The following LIMS1 variants were observed in gnomAD, a reference collection of about 807,000 sequenced individuals.
The protein encoded by LIMS1 is LIM zinc finger domain containing 1.
In LIMS1, 18 loss-of-function variants were observed where a neutral mutation model predicts 44.1. The ratio of observed to expected loss-of-function variants is 0.41; its 90% confidence interval spans 0.28 to 0.61. The LOEUF is 0.61. LIMS1 is among the 20% of genes least tolerant of loss of function. The pLI, the probability that LIMS1 is intolerant of heterozygous loss-of-function variation, is 0.32. For synonymous variants in LIMS1, 93 were observed against 149.1 expected (o/e 0.62, Z 2.74); for missense variants, 201 against 422.0 (o/e 0.48, Z 4.59).
chr2:108,644,621 G>C (rs189440701), intron 1 of LIMS1, among the ~76,000 whole-genome samples: 11 of 152,242 alleles, frequency 7.2e-5, no homozygotes, highest in African/African-American at 2.6e-4. Flanking sequence ...TTGCCAGCAA[G>C]GGAGCAAAAC....
chr2:108,558,476 TGGGA>T (rs1685002908), intron 1 of LIMS1, among the ~76,000 whole-genome samples: 1 of 151,974 alleles, frequency 6.6e-6, no homozygotes, highest in Non-Finnish European at 1.5e-5. Flanking sequence ...CCCAAAGTGC[TGGGA>T]TTACAGGTGT....
At chr2:108,571,490 C>T (rs1685477804) in intron 1 of LIMS1, among the ~76,000 whole-genome samples, 1 of 152,150 alleles carries the variant, frequency 6.6e-6, no homozygotes, top group Admixed American at 6.5e-5. Flanking sequence ...TATTTATAAA[C>T]AGGAAATATA....
At chr2:108,540,070 G>A (rs989094085) in intron 1 of LIMS1, among the ~76,000 whole-genome samples, 1 of 150,558 alleles carries the variant, frequency 6.6e-6, no homozygotes, top group Non-Finnish European at 1.5e-5. Flanking sequence ...CCTGTGGACT[G>A]TAAACTTATT....
intron 1 of LIMS1, among the ~76,000 whole-genome samples, chr2:108,582,122 G>A (rs1278697408): frequency 6.6e-6 from 1 of 152,218 alleles, no homozygotes; most frequent in Non-Finnish European, 1.5e-5. Flanking sequence ...GATGAGTTAA[G>A]TCAAACCCTG....
chr2:108,561,014 C>T (rs1258608356), intron 1 of LIMS1, among the ~76,000 whole-genome samples: 2 of 152,134 alleles, frequency 1.3e-5, no homozygotes, highest in African/African-American at 4.8e-5. Context: ...AAAGGTTGAG[C>T]CCCTGTCTTT....
chr2:108,635,363 A>G (rs4676204), intron 1 of LIMS1, among the ~76,000 whole-genome samples: 64,422 of 147,284 alleles, frequency 0.44, 15,511 homozygotes, highest in East Asian at 0.95. Flanking sequence ...GGAAGGCAGA[A>G]GTGGCAGTGA....
At chr2:108,619,052 C>T (rs1383972316) in intron 1 of LIMS1, among the ~76,000 whole-genome samples, 1 of 151,970 alleles carries the variant, frequency 6.6e-6, no homozygotes, top group African/African-American at 2.4e-5. Context: ...CCCCGTCTAA[C>T]CCCCTGCACA....
At chr2:108,561,712 T>C (rs1278768463) in intron 1 of LIMS1, among the ~76,000 whole-genome samples, 1 of 152,000 alleles carries the variant, frequency 6.6e-6, no homozygotes, top group East Asian at 1.9e-4. Flanking sequence ...TGATTATATG[T>C]TGTGGTTCTC....
intron 1 of LIMS1, among the ~76,000 whole-genome samples, chr2:108,538,677 A>G (rs1475461909): frequency 6.6e-6 from 1 of 152,228 alleles, no homozygotes; most frequent in East Asian, 1.9e-4. Context: ...ACTATTCTGC[A>G]ATTGCTTTTT....
intron 1 of LIMS1, among the ~76,000 whole-genome samples, chr2:108,628,839 G>A (rs562349106): frequency 6.6e-6 from 1 of 152,144 alleles, no homozygotes; most frequent in Non-Finnish European, 1.5e-5. Context: ...CTGAGACAGG[G>A]TCTTGCTCTA....
exon 10 of LIMS1, chr2:108,687,137 A>G (rs1204723880): frequency 1.3e-5 from 2 of 152,206 alleles, no homozygotes; most frequent in African/African-American, 4.8e-5. Context: ...ATTTCGTTTT[A>G]GATTGTAAGC....
intron 2 of LIMS1, among the ~76,000 whole-genome samples, chr2:108,663,223 A>G (rs1691496315): frequency 6.6e-6 from 1 of 152,022 alleles, no homozygotes; most frequent in Non-Finnish European, 1.5e-5. Flanking sequence ...GGCTCAAGCA[A>G]TCCTCCCACC....
At chr2:108,646,616 GA>G (rs1484790354) in intron 1 of LIMS1, among the ~76,000 whole-genome samples, 14 of 152,148 alleles carry the variant, frequency 9.2e-5, no homozygotes, top group Non-Finnish European at 1.8e-4. Context: ...CAGAAGACAA[GA>G]AGTAACTAAG....
intron 1 of LIMS1, among the ~76,000 whole-genome samples, chr2:108,615,132 C>G (rs1007918226): frequency 1.3e-5 from 2 of 151,988 alleles, no homozygotes; most frequent in Admixed American, 6.6e-5. Context: ...GAAACAATAT[C>G]TAAAAAGTGA....
Position 108,540,722 on chromosome 2 carries a change from C to A in LIMS1, c.32+6128C>A, listed in dbSNP as rs141052500. The stretch of plus-strand genomic sequence containing the variant: ...ATTAGCCCTTTATTTAAATACACTG[C>A]TTCTTTATTTTACAGGACAGGATTT... On this transcript the variant is annotated intron_variant, in intron 1 of 9. Coordinates refer to ENST00000544547, the Ensembl canonical transcript of LIMS1. Among the ~76,000 whole-genome samples the A allele has an allele frequency of 7.2e-4, 110 of 152,212 alleles. 2 individuals are homozygous for A. In the East Asian group the frequency reaches 0.013, roughly 17 times the overall value.
chr2:108,638,191 A>G (rs549923177), intron 1 of LIMS1, among the ~76,000 whole-genome samples: 92 of 152,292 alleles, frequency 6.0e-4, no homozygotes, highest in Admixed American at 1.2e-3. Context: ...TTGAGGGACC[A>G]TGGGAGAAAA....
At chr2:108,574,438 C>T (rs189183585) in intron 1 of LIMS1, among the ~76,000 whole-genome samples, 1 of 152,314 alleles carries the variant, frequency 6.6e-6, no homozygotes, top group East Asian at 1.9e-4. Flanking sequence ...CTGCTCTCCA[C>T]TGCCCAAGAC....
chr2:108,572,177 C>G (rs1685499902), intron 1 of LIMS1, among the ~76,000 whole-genome samples: 1 of 151,770 alleles, frequency 6.6e-6, no homozygotes, highest in Non-Finnish European at 1.5e-5. Flanking sequence ...ATATCCTAAT[C>G]CTGACTTTGT....
chr2:108,536,352 A>G (rs972949752), intron 1 of LIMS1, among the ~76,000 whole-genome samples: 1 of 152,230 alleles, frequency 6.6e-6, no homozygotes, highest in African/African-American at 2.4e-5. Flanking sequence ...CCTGGCAGCC[A>G]TCATTTTAAT....
Sources: allele counts gnomAD v4.1 joint callset (sites outside exome capture counted in the v4.1 genomes callset), GRCh38; gene constraint gnomAD v4.1.1; transcripts MANE v1.5; gene names NCBI Gene and HGNC (gene_info 2026-07-23, HGNC 2026-07-21).